The following TRPC4 variants were observed in gnomAD, a reference collection of about 807,000 sequenced individuals.
The protein encoded by TRPC4 is transient receptor potential cation channel subfamily C member 4, also known as short transient receptor potential channel 4.
Under a neutral mutation model 99.4 loss-of-function variants are expected in TRPC4, and 49 were observed. That is an observed-to-expected ratio of 0.49 (90% confidence interval 0.39 to 0.63). The LOEUF is 0.63. TRPC4 is among the 20% of genes least tolerant of loss of function. TRPC4 has a pLI of 0.00. For missense variants in TRPC4, 898 were observed against 1,152.9 expected (o/e 0.78, Z 3.20); for synonymous variants, 454 against 425.9 (o/e 1.07, Z -0.81).
chr13:37,857,429 A>G (rs1168141318), intron 1 of TRPC4, among the ~76,000 whole-genome samples: 1 of 151,664 alleles, frequency 6.6e-6, no homozygotes, highest in Non-Finnish European at 1.5e-5. Context: ...TCTAAAATGT[A>G]TATGCAACCA....
At chr13:37,734,857 C>T (rs1392960238) in intron 3 of TRPC4, among the ~76,000 whole-genome samples, 1 of 151,940 alleles carries the variant, frequency 6.6e-6, no homozygotes, top group African/African-American at 2.4e-5. Context: ...CATTTACAGA[C>T]AAGAAGGGAG....
At chr13:37,805,907 A>AG (rs1338645845) in intron 1 of TRPC4, among the ~76,000 whole-genome samples, 1 of 152,036 alleles carries the variant, frequency 6.6e-6, no homozygotes. Flanking sequence ...TGTCTTATTG[A>AG]GAAAAAAAAG....
chr13:37,679,209 C>A (rs987061056), intron 4 of TRPC4, among the ~76,000 whole-genome samples: 2 of 152,066 alleles, frequency 1.3e-5, no homozygotes, highest in South Asian at 4.2e-4. Flanking sequence ...GGCAAACAAT[C>A]TGATATCAGG....
intron 1 of TRPC4, among the ~76,000 whole-genome samples, chr13:37,856,775 C>A (rs934363683): frequency 6.6e-6 from 1 of 151,344 alleles, no homozygotes; most frequent in Admixed American, 6.6e-5. Flanking sequence ...AAGGGTTAAA[C>A]CATGCTAAAG....
chr13:37,707,962 T>C (rs1003361025), intron 3 of TRPC4, among the ~76,000 whole-genome samples: 1 of 152,086 alleles, frequency 6.6e-6, no homozygotes, highest in African/African-American at 2.4e-5. Context: ...TTCTTGGACC[T>C]CTTTGATCTG....
At chr13:37,729,925 T>A (rs1955189658) in intron 3 of TRPC4, among the ~76,000 whole-genome samples, 1 of 152,038 alleles carries the variant, frequency 6.6e-6, no homozygotes, top group Non-Finnish European at 1.5e-5. Flanking sequence ...TTGCACGGTA[T>A]GAATGCAATT....
intron 6 of TRPC4, among the ~76,000 whole-genome samples, chr13:37,656,823 T>C (rs2138650077): frequency 6.6e-6 from 1 of 152,334 alleles, no homozygotes; most frequent in African/African-American, 2.4e-5. Flanking sequence ...AGTAGCTGAC[T>C]CATTTTAATG....
At chr13:37,816,468 C>A (rs1957857414) in intron 1 of TRPC4, among the ~76,000 whole-genome samples, 1 of 151,862 alleles carries the variant, frequency 6.6e-6, no homozygotes. Flanking sequence ...CATATGCTGC[C>A]ATTTCTGCTG....
At chr13:37,709,051 C>T (rs1318964177) in intron 3 of TRPC4, among the ~76,000 whole-genome samples, 1 of 152,000 alleles carries the variant, frequency 6.6e-6, no homozygotes, top group Non-Finnish European at 1.5e-5. Context: ...CCACCTCTAA[C>T]TGAAGCTAAG....
chr13:37,663,810 C>G lies in TRPC4; in HGVS notation c.1375-81G>C. 4 of 1,279,380 alleles carry G rather than the reference C, an allele frequency of 3.1e-6. No individual in the cohort carries two copies. The South Asian group carries it at 6.3e-5, about 20-fold the overall frequency. The allele number at this position is 1,279,380 out of a possible 1,614,324, so 79.3% of individuals were successfully genotyped here. A position where few individuals can be genotyped will look rare whatever the true frequency, so the allele number is the denominator to read the frequency against. ...ATCAAGGTCAGACCCAGAAGGAAAA[C>G]TATTAAATTTTGAACAAAATAATTG... On this transcript the variant is annotated intron_variant, in intron 5 of 10. Coordinates refer to ENST00000379705, the MANE Select transcript of TRPC4 (RefSeq NM_016179.4).
Position 37,674,281 on chromosome 13 carries a change from T to A in TRPC4, c.1321A>T (p.Met441Leu). 1 of 1,606,186 alleles carries A rather than the reference T, an allele frequency of 6.2e-7. No individual in the cohort carries two copies. The highest frequency in any genetic ancestry group is 8.5e-7 in the Non-Finnish European group (1 of 1,177,816). The change falls in exon 5 of 11, where the codon ATG (methionine) becomes TTG (leucine). Residue 441 changes from methionine (M) to leucine (L), a missense_variant. Physicochemically the swap from Met to Leu is conservative, Grantham distance 15 (BLOSUM62 2). This residue lies in a region of TRPC4 where 274 missense variants were observed against 454.9 expected (regional missense o/e 0.60). Transcript: ENST00000379705. ...ATTGTTGCTAAATATAAGGAGTTCA[T>A]TACAAAGTCCATTAGATTCCACCAA... ...HDWWNLMDFVMNSLYLATISL... is the reference protein window; with the variant it reads ...HDWWNLMDFVLNSLYLATISL...
At chr13:37,716,528 G>A (rs1364212646) in intron 3 of TRPC4, among the ~76,000 whole-genome samples, 1 of 152,066 alleles carries the variant, frequency 6.6e-6, no homozygotes, top group Admixed American at 6.6e-5. Flanking sequence ...AAAACTTCTA[G>A]GCTGAGTTAT....
At chr13:37,691,596 G>A (rs1477842528) in intron 4 of TRPC4, among the ~76,000 whole-genome samples, 1 of 152,038 alleles carries the variant, frequency 6.6e-6, no homozygotes, top group Non-Finnish European at 1.5e-5. Context: ...AAAGGTTTCA[G>A]TTACTTTATG....
chr13:37,861,236 G>T (rs1323432485), intron 1 of TRPC4, among the ~76,000 whole-genome samples: 1 of 151,276 alleles, frequency 6.6e-6, no homozygotes, highest in Non-Finnish European at 1.5e-5. Flanking sequence ...TCTCAATTGG[G>T]TTGTATATTT....
intron 1 of TRPC4, among the ~76,000 whole-genome samples, chr13:37,834,622 T>C (rs1204912806): frequency 7.2e-5 from 11 of 152,220 alleles, no homozygotes; most frequent in African/African-American, 2.7e-4. Context: ...TTGACATAGT[T>C]TCCATGACAG....
intron 1 of TRPC4, among the ~76,000 whole-genome samples, chr13:37,800,919 A>T (rs1367187196): frequency 6.6e-6 from 1 of 152,008 alleles, no homozygotes; most frequent in African/African-American, 2.4e-5. Context: ...TTAAGCTGAA[A>T]ATCAGTAAAA....
intron 10 of TRPC4, 78 bp downstream of exon 10, chr13:37,638,962 G>T: frequency 2.1e-6 from 3 of 1,456,104 alleles, no homozygotes; most frequent in Non-Finnish European, 1.9e-6. Flanking sequence ...TGCATTTCCA[G>T]CTCTGATTTT....
intron 5 of TRPC4, among the ~76,000 whole-genome samples, chr13:37,664,099 T>C (rs1952551017): frequency 6.6e-6 from 1 of 152,158 alleles, no homozygotes; most frequent in South Asian, 2.1e-4. Context: ...TGAATGCTCC[T>C]TAAGTAGGTA....
chr13:37,822,872 T>A (rs1315940485), intron 1 of TRPC4, among the ~76,000 whole-genome samples: 2 of 151,440 alleles, frequency 1.3e-5, no homozygotes, highest in East Asian at 3.9e-4. Context: ...GTTGAACTAG[T>A]TTACAGTCCC....
Sources: allele counts gnomAD v4.1 joint callset (sites outside exome capture counted in the v4.1 genomes callset), GRCh38; gene constraint gnomAD v4.1.1; regional missense constraint gnomAD v4.1.1; transcripts MANE v1.5; gene names NCBI Gene and HGNC (gene_info 2026-07-23, HGNC 2026-07-21).